The following SIK2 variants were observed in gnomAD, a reference collection of about 807,000 sequenced individuals.
The protein encoded by SIK2 is serine/threonine-protein kinase SIK2.
Under a neutral mutation model 103.2 loss-of-function variants are expected in SIK2, and 29 were observed. The ratio of observed to expected loss-of-function variants is 0.28; its 90% CI spans 0.21 to 0.38. The LOEUF is 0.38. SIK2 is among the 10% of genes least tolerant of loss of function. The probability of loss-of-function intolerance (pLI) is 1.00; values close to 1 mark genes in which losing one functional copy is unlikely to be tolerated. For synonymous variants in SIK2, 412 were observed against 446.1 expected (o/e 0.92, Z 0.96); for missense variants, 879 against 1,171.0 (o/e 0.75, Z 3.64).
chr11:111,712,369 T>G lies in SIK2; in HGVS notation c.1260T>G (p.Thr420=), dbSNP rs1591638901. Residue 420 remains threonine, a synonymous_variant, in exon 9 of 15, where the codon ACT becomes ACG. Transcript: ENST00000304987. ...TCATGGAAGAAGAGTGTGTGGACAC[T>G]CCAAAGGTACGGCTATGTTTGAGAG... ...AAFMEEECVD[T]PKVNGCLLDP... The G allele has an allele frequency of 2.5e-6, 4 of 1,613,730 alleles. No homozygotes were observed. In the East Asian group the frequency reaches 8.9e-5, roughly 36 times the overall value.
rs367764601 is a variant in SIK2 at position 111,655,685 on chromosome 11, T to C, written c.317-32316T>C. ...TATAGCTACCTAGGTGGAGGTCTCT[T>C]GTTATGGTCCTTCCTAGAATGGCCT... On this transcript the variant is annotated intron_variant, in intron 3 of 14. Coordinates refer to ENST00000304987, the MANE Select transcript of SIK2 (RefSeq NM_015191.3). Among the ~76,000 whole-genome samples, 29 of 152,268 alleles carry C rather than the reference T, an allele frequency of 1.9e-4. No individual in the cohort carries two copies. The East Asian group carries it at 4.4e-3, about 23-fold the overall frequency.
intron 3 of SIK2, among the ~76,000 whole-genome samples, chr11:111,665,834 G>GA (rs1942532139): frequency 7.4e-6 from 1 of 134,922 alleles, no homozygotes; most frequent in African/African-American, 2.7e-5. Context: ...CTCAAAAAAA[G>GA]AAAAAAAGAA....
intron 3 of SIK2, among the ~76,000 whole-genome samples, chr11:111,625,089 T>C (rs1941944544): frequency 6.6e-6 from 1 of 151,994 alleles, no homozygotes; most frequent in Non-Finnish European, 1.5e-5. Flanking sequence ...AGAGGGTAAA[T>C]GAGAGGCAGG....
intron 8 of SIK2, among the ~76,000 whole-genome samples, chr11:111,711,490 G>A (rs945340526): frequency 6.6e-6 from 1 of 152,206 alleles, no homozygotes; most frequent in African/African-American, 2.4e-5. Flanking sequence ...CGAGACGTGA[G>A]AACAGACTTC....
intron 3 of SIK2, among the ~76,000 whole-genome samples, chr11:111,636,809 T>A (rs754493768): frequency 6.6e-6 from 1 of 152,250 alleles, no homozygotes; most frequent in Non-Finnish European, 1.5e-5. Context: ...AGGATATTGT[T>A]CCATTGTCTT....
At chr11:111,612,560 A>G (rs1222705789) in intron 1 of SIK2, among the ~76,000 whole-genome samples, 1 of 152,152 alleles carries the variant, frequency 6.6e-6, no homozygotes, top group African/African-American at 2.4e-5. Flanking sequence ...TGGAATGAAC[A>G]GAAGTAATAG....
chr11:111,705,247 T>A lies in SIK2; in HGVS notation c.1101+108T>A. On this transcript the variant is annotated intron_variant, in intron 8 of 14. Transcript: ENST00000304987. The surrounding 1 kb of genome is among the most constrained non-coding windows in gnomAD (Gnocchi z 4.3). Reference sequence around the variant, plus strand: ...TAGGATTTCATCCTCTACACTCCGTTTTTCTGTAAAATTTCTGCCTGCCAT... The same window carrying A: ...TAGGATTTCATCCTCTACACTCCGTATTTCTGTAAAATTTCTGCCTGCCAT... The A allele has an allele frequency of 8.3e-7, 1 of 1,207,880 alleles. No homozygotes were observed. The highest frequency in any genetic ancestry group is 1.1e-6 in the Non-Finnish European group (1 of 932,470). 74.8% of individuals were successfully genotyped at this position (1,207,880 alleles called of 1,614,324 possible).
chr11:111,621,147 T>A (rs1346654657), intron 3 of SIK2, among the ~76,000 whole-genome samples: 1 of 152,232 alleles, frequency 6.6e-6, no homozygotes, highest in Non-Finnish European at 1.5e-5. Context: ...AATGTTTTGA[T>A]ACACGTTTGT....
intron 4 of SIK2, among the ~76,000 whole-genome samples, chr11:111,700,652 G>A (rs1011194241): frequency 3.9e-5 from 6 of 152,048 alleles, no homozygotes; most frequent in Non-Finnish European, 5.9e-5. Context: ...TCACTTACTC[G>A]CTTTGGGAAG....
chr11:111,681,297 T>C (rs531893477), intron 3 of SIK2, among the ~76,000 whole-genome samples: 1 of 152,264 alleles, frequency 6.6e-6, no homozygotes, highest in Non-Finnish European at 1.5e-5. Context: ...TTCAGTAGGG[T>C]CTGTGAGCAG....
intron 8 of SIK2, among the ~76,000 whole-genome samples, chr11:111,710,842 A>G (rs1943475340): frequency 6.6e-6 from 1 of 152,190 alleles, no homozygotes; most frequent in Non-Finnish European, 1.5e-5. Context: ...CTAGAATCTC[A>G]TACCATTTTG....
At chr11:111,674,266 A>T (rs1398664700) in intron 3 of SIK2, among the ~76,000 whole-genome samples, 1 of 151,906 alleles carries the variant, frequency 6.6e-6, no homozygotes, top group African/African-American at 2.4e-5. Flanking sequence ...GCCACAACTA[A>T]CCCCTCTGTC....
At chr11:111,632,327 T>TA (rs1164251525) in intron 3 of SIK2, among the ~76,000 whole-genome samples, 2 of 152,160 alleles carry the variant, frequency 1.3e-5, no homozygotes, top group African/African-American at 4.8e-5. Flanking sequence ...CTTGTTAAAA[T>TA]AAAAATTTGA....
chr11:111,720,713 A>C lies in SIK2; in HGVS notation c.1731A>C (p.Pro577=), dbSNP rs375896845. ...SQKREVHNRS[P]VSFREGRRAS... ...AACGAGAGGTCCACAACAGGTCTCCAGTGAGCTTCAGAGAGGGCCGCAGAG... is the reference window on the plus strand; with the variant it reads ...AACGAGAGGTCCACAACAGGTCTCCCGTGAGCTTCAGAGAGGGCCGCAGAG... Residue 577 remains proline, a synonymous_variant, in exon 11 of 15, where the codon CCA becomes CCC. Transcript: ENST00000304987. The C allele has an allele frequency of 6.2e-7, 1 of 1,612,232 alleles. No individual in the cohort carries two copies. Among genetic ancestry groups the C allele is most frequent in the African/African-American group, 1.3e-5 (1 of 74,980 alleles).
At chr11:111,634,024 G>C (rs542918534) in intron 3 of SIK2, among the ~76,000 whole-genome samples, 23 of 152,250 alleles carry the variant, frequency 1.5e-4, no homozygotes, top group African/African-American at 3.9e-4. Context: ...AAAGATCTTA[G>C]GGTGATCACC....
intron 3 of SIK2, among the ~76,000 whole-genome samples, chr11:111,673,104 G>C (rs1942651680): frequency 6.6e-6 from 1 of 152,108 alleles, no homozygotes; most frequent in South Asian, 2.1e-4. Flanking sequence ...TATTGAATCT[G>C]CAAACCCAAC....
chr11:111,638,641 A>G (rs1310011296), intron 3 of SIK2, among the ~76,000 whole-genome samples: 1 of 152,084 alleles, frequency 6.6e-6, no homozygotes, highest in Admixed American at 6.5e-5. Context: ...TCTGTAAAAT[A>G]TATGTGATAT....
intron 8 of SIK2, among the ~76,000 whole-genome samples, chr11:111,710,529 T>G (rs1450247506): frequency 1.3e-5 from 2 of 152,194 alleles, no homozygotes; most frequent in African/African-American, 4.8e-5. Flanking sequence ...AAATCATCAA[T>G]CCAAGATTCT....
At chr11:111,620,943 C>T (rs140515661) in intron 3 of SIK2, among the ~76,000 whole-genome samples, 94 of 152,180 alleles carry the variant, frequency 6.2e-4, no homozygotes, top group Middle Eastern at 3.4e-3. Context: ...ATGATTCATT[C>T]GAACTTTAAA....
Sources: allele counts gnomAD v4.1 joint callset (sites outside exome capture counted in the v4.1 genomes callset), GRCh38; gene constraint gnomAD v4.1.1; non-coding constraint Gnocchi (gnomAD v3.1); transcripts MANE v1.5; gene names NCBI Gene and HGNC (gene_info 2026-07-23, HGNC 2026-07-21).